Variants in ITGAX observed in about 807,000 individuals in gnomAD.
The protein encoded by ITGAX is integrin alpha-X.
ITGAX carries 99 observed loss-of-function variants against 140.2 expected under a neutral mutation model. The ratio of observed to expected loss-of-function variants is 0.71; its 90% CI spans 0.60 to 0.83. ITGAX has a LOEUF of 0.83. ITGAX is among the 40% of genes least tolerant of loss of function. The probability of loss-of-function intolerance (pLI) is 0.00; values close to 1 mark genes in which losing one functional copy is unlikely to be tolerated. For missense variants in ITGAX, 1,444 were observed against 1,482.0 expected (o/e 0.97, Z 0.42); for synonymous variants, 631 against 600.4 (o/e 1.05, Z -0.75).
intron 5 of ITGAX, among the ~76,000 whole-genome samples, chr16:31,359,034 G>T (rs1225305785): frequency 6.6e-6 from 1 of 151,936 alleles, no homozygotes; most frequent in African/African-American, 2.4e-5. Flanking sequence ...TGTCCAGGCT[G>T]ATCTTGAAAT....
At chr16:31,356,868 T>C (rs1348356959) in intron 3 of ITGAX, 140 bp downstream of exon 3, 16 of 816,096 alleles carry the variant, frequency 2.0e-5, no homozygotes, top group Non-Finnish European at 3.1e-5. Flanking sequence ...CCTGGCCCCT[T>C]AAGGCCTCCC....
At chr16:31,363,125 G>T in intron 13 of ITGAX, 40 bp from the exon 14 acceptor site, 3 of 1,606,224 alleles carry the variant, frequency 1.9e-6, no homozygotes, top group Non-Finnish European at 2.6e-6. Context: ...TGGGTGGAGG[G>T]GTTGCCCGGG....
intron 20 of ITGAX, among the ~76,000 whole-genome samples, chr16:31,375,682 G>C (rs950209792): frequency 6.6e-6 from 1 of 152,112 alleles, no homozygotes; most frequent in African/African-American, 2.4e-5. Flanking sequence ...ACGAAAATTC[G>C]AACTAGGTCC....
Position 31,379,824 on chromosome 16 carries a change from A to G in ITGAX, c.2936A>G (p.Gln979Arg). 6.2e-7 allele frequency: 1 copy of G among 1,614,202 alleles called. No homozygotes were observed. The highest frequency in any genetic ancestry group is 1.7e-4 in the Middle Eastern group (1 of 6,060). ...TTCTGGGTGCCTGTGGAGCTGAACCAGGAGGCTGTGTGGATGGATGTGGAG... is the reference window on the plus strand; with the variant it reads ...TTCTGGGTGCCTGTGGAGCTGAACCGGGAGGCTGTGTGGATGGATGTGGAG... ...INFWVPVELN[Q>R]EAVWMDVEVS... is the part of the protein sequence containing the mutation. Residue 979 changes from glutamine to arginine, a missense_variant, in exon 25 of 30, where the codon CAG (glutamine) becomes CGG (arginine). Transcript: ENST00000268296.
chr16:31,372,149 T>C (rs2080971218), intron 17 of ITGAX, among the ~76,000 whole-genome samples: 2 of 143,828 alleles, frequency 1.4e-5, no homozygotes, highest in African/African-American at 2.6e-5. Flanking sequence ...AAACAGTCAT[T>C]GCTGATCGGG....
chr16:31,367,844 C>T (rs1006009824), intron 14 of ITGAX, among the ~76,000 whole-genome samples: 1 of 152,196 alleles, frequency 6.6e-6, no homozygotes. Flanking sequence ...GATAGTGATT[C>T]TTCTGATGGA....
intron 4 of ITGAX, 48 bp downstream of exon 4, chr16:31,357,149 G>A (rs1418931609): frequency 1.3e-6 from 2 of 1,582,442 alleles, no homozygotes; most frequent in African/African-American, 2.7e-5. Context: ...GGAGGGAGGA[G>A]CCGGGGCCGC....
chr16:31,359,745 C>G lies in ITGAX; in HGVS notation c.476C>G (p.Ser159Ter), dbSNP rs778576565. 2.5e-6 allele frequency: 4 copies of G among 1,614,058 alleles called. No individual in the cohort carries two copies. Among genetic ancestry groups the G allele is most frequent in the Non-Finnish European group, 3.4e-6 (4 of 1,180,048 alleles). The change falls in exon 6 of 30, where the codon TCA becomes TGA. Residue 159 changes from serine to a stop codon, truncating the protein, a stop_gained. Coordinates refer to ENST00000268296, the MANE Select transcript of ITGAX (RefSeq NM_000887.5). LOFTEE classifies it high-confidence loss of function. ...EQDIVFLIDG[S>*]GSISSRNFAT... ...GACATTGTGTTCCTGATCGATGGCTCAGGCAGCATCTCCTCCCGCAACTTT... is the reference window on the plus strand; with the variant it reads ...GACATTGTGTTCCTGATCGATGGCTGAGGCAGCATCTCCTCCCGCAACTTT...
At chr16:31,368,626 T>TAA (rs2080917829) in intron 14 of ITGAX, among the ~76,000 whole-genome samples, 1 of 151,962 alleles carries the variant, frequency 6.6e-6, no homozygotes, top group South Asian at 2.1e-4. Context: ...TTATTTTTTT[T>TAA]ATTGATCATT....
In ITGAX at chr16:31,360,446, A is replaced by C; in HGVS notation, c.844A>C (p.Ile282Leu). ...VIPMADAAGI[I>L]RYAIGVGLAF... ...CCCCATGGCTGATGCAGCAGGCATC[A>C]TCCGCTATGCAATTGGGGTAGGGCG... Residue 282 changes from isoleucine (I) to leucine (L), a missense_variant, in exon 8 of 30, where the codon ATC (isoleucine) becomes CTC (leucine). Transcript: ENST00000268296. 4.3e-6 allele frequency: 7 copies of C among 1,611,622 alleles called. No individual in the cohort carries two copies. Among genetic ancestry groups the C allele is most frequent in the Non-Finnish European group, 5.9e-6 (7 of 1,178,980 alleles).
chr16:31,382,205 C>A lies in ITGAX; in HGVS notation c.*298C>A. On this transcript the variant is annotated 3_prime_UTR_variant, in exon 30 of 30. Coordinates refer to ENST00000268296, the MANE Select transcript of ITGAX (RefSeq NM_000887.5). ...CCTCAGTCTCCCTTCTCCCATGAGG[C>A]ACGAATGATCTTTCTTTCCTTTCTT... 7.3e-7 allele frequency: 1 copy of A among 1,363,464 alleles called. No homozygotes were observed. The highest frequency in any genetic ancestry group is 9.5e-7 in the Non-Finnish European group (1 of 1,047,476). The allele number at this position is 1,363,464 out of a possible 1,614,324, so 84.5% of individuals were successfully genotyped here.
chr16:31,367,769 G>T (rs1367346910), intron 14 of ITGAX, among the ~76,000 whole-genome samples: 2 of 152,172 alleles, frequency 1.3e-5, no homozygotes, highest in Non-Finnish European at 2.9e-5. Context: ...ATGGACCAAG[G>T]AGTAATTTCG....
Position 31,373,334 on chromosome 16 carries a change from A to T in ITGAX, c.2452A>T (p.Thr818Ser). The T allele has an allele frequency of 6.2e-7, 1 of 1,613,688 alleles. No individual in the cohort carries two copies. The highest frequency in any genetic ancestry group is 1.3e-5 in the African/African-American group (1 of 75,024). ...TGACGGGGAAGACTCCTACGGAACCACCATCACCTTCTCCCACCCCGCAGG... is the reference window on the plus strand; with the variant it reads ...TGACGGGGAAGACTCCTACGGAACCTCCATCACCTTCTCCCACCCCGCAGG... ...WNDGEDSYGT[T>S]ITFSHPAGLS... Residue 818 changes from threonine (T) to serine (S), a missense_variant, in exon 20 of 30, where the codon ACC becomes TCC. By Grantham distance (58) the Thr-to-Ser change is moderately conservative. Transcript: ENST00000268296.
chr16:31,365,659 C>T (rs2142502085), intron 14 of ITGAX, among the ~76,000 whole-genome samples: 1 of 152,254 alleles, frequency 6.6e-6, no homozygotes, highest in Middle Eastern at 3.4e-3. Flanking sequence ...GCGGTGGCTC[C>T]CGCCTGTAAT....
At chr16:31,357,431 G>C in intron 5 of ITGAX, 67 bp downstream of exon 5, 2 of 1,044,274 alleles carry the variant, frequency 1.9e-6, no homozygotes, top group Non-Finnish European at 2.9e-6. Context: ...CGGTGGGCTA[G>C]AGACAGTCTT....
chr16:31,371,578 T>C, intron 16 of ITGAX, 52 bp from the exon 17 acceptor site: 1 of 1,611,346 alleles, frequency 6.2e-7, no homozygotes, highest in Middle Eastern at 1.7e-4. Context: ...ACCCTGCTCA[T>C]TGTCCACCCA....
intron 14 of ITGAX, among the ~76,000 whole-genome samples, chr16:31,369,111 T>G (rs1016207120): frequency 6.6e-6 from 1 of 152,234 alleles, no homozygotes; most frequent in Non-Finnish European, 1.5e-5. Flanking sequence ...CCGTTCTCAA[T>G]GAGCTGTTGG....
At position 31,377,098 on chromosome 16, in the gene ITGAX, G is replaced by A; in HGVS notation, c.2705+19G>A. The stretch of plus-strand genomic sequence containing the variant: ...TGAGCAGGTGAGCCGGGCCAGGCCA[G>A]GGGCAGTGCCCCTCATCTCCAGCCT... On this transcript the variant is annotated intron_variant, in intron 22 of 29. Transcript: ENST00000268296. The A allele has an allele frequency of 6.2e-7, 1 of 1,613,848 alleles. No homozygotes were observed. Among genetic ancestry groups the A allele is most frequent in the Non-Finnish European group, 8.5e-7 (1 of 1,179,768 alleles).
Position 31,359,690 on chromosome 16 carries a change from C to T in ITGAX, c.431-10C>T. 2.5e-6 allele frequency: 4 copies of T among 1,613,646 alleles called. No homozygotes were observed. Among genetic ancestry groups the T allele is most frequent in the South Asian group, 1.1e-5 (1 of 91,030 alleles). ...GTCACTTGGAGGACCGGTGCCACCT[C>T]CTTCCCCAGAGTGCCCAAGACAGGA... On this transcript the variant is annotated splice_polypyrimidine_tract_variant and intron_variant, in intron 5 of 29. Coordinates refer to ENST00000268296, the MANE Select transcript of ITGAX (RefSeq NM_000887.5).
Sources: gnomAD v4.1 joint callset for allele counts (sites outside exome capture counted in the v4.1 genomes callset) on GRCh38, gnomAD v4.1.1 for gene constraint, MANE v1.5 for transcripts, NCBI Gene and HGNC (gene_info 2026-07-23, HGNC 2026-07-21) for gene names.